Variants in SPATA7 observed in about 807,000 individuals in gnomAD.
The protein encoded by SPATA7 is spermatogenesis-associated protein 7.
In SPATA7, 43 loss-of-function variants were observed where a neutral mutation model predicts 51.8. The ratio of observed to expected loss-of-function variants is 0.83; its 90% CI spans 0.65 to 1.07. SPATA7 has a LOEUF of 1.07. Among genes scored for constraint, SPATA7 ranks in the 50% least tolerant of loss-of-function variants. The pLI, the probability that SPATA7 is intolerant of heterozygous loss-of-function variation, is 0.00. For missense variants in SPATA7, 683 were observed against 701.3 expected, an observed-to-expected ratio of 0.97 and a Z score of 0.30; for synonymous variants, 230 against 252.8, an observed-to-expected ratio of 0.91 and a Z score of 0.86.
chr14:88,427,944 G>A, intron 7 of SPATA7: 2 of 401,172 alleles, frequency 5.0e-6, no homozygotes, highest in Non-Finnish European at 9.2e-6. Context: ...TGATTGGTTG[G>A]CTGGCTGGAC....
intron 4 of SPATA7, among the ~76,000 whole-genome samples, chr14:88,410,210 A>T (rs879373626): frequency 5.9e-5 from 9 of 152,088 alleles, no homozygotes; most frequent in Non-Finnish European, 1.0e-4. Flanking sequence ...TCCCACTGTT[A>T]TTGTGTGGCA....
At chr14:88,445,398 G>T (rs1595309947) in intron 3 of SPATA7, among the ~76,000 whole-genome samples, 1 of 151,968 alleles carries the variant, frequency 6.6e-6, no homozygotes, top group South Asian at 2.1e-4. Context: ...GAGACAATGG[G>T]GTTTTCTAGA....
chr14:88,447,125 C>G (rs1192344358), intron 3 of SPATA7, among the ~76,000 whole-genome samples: 2 of 149,840 alleles, frequency 1.3e-5, no homozygotes, highest in Non-Finnish European at 1.5e-5. Flanking sequence ...GTCTAAGTCT[C>G]TTTGTAGGTC....
At chr14:88,421,095 A>G (rs986646363) in intron 5 of SPATA7, among the ~76,000 whole-genome samples, 3 of 152,254 alleles carry the variant, frequency 2.0e-5, no homozygotes, top group African/African-American at 7.2e-5. Context: ...GCCTGGTGAC[A>G]GAGCGAAACT....
At chr14:88,439,455 T>C (rs1299821223), downstream of SPATA7, among the ~76,000 whole-genome samples, 2 of 152,200 alleles carry the variant, frequency 1.3e-5, no homozygotes, top group African/African-American at 4.8e-5. Context: ...TATAATTGAA[T>C]ATTTGTGTGC....
downstream of SPATA7, among the ~76,000 whole-genome samples, chr14:88,441,583 A>G (rs996481716): frequency 1.3e-5 from 2 of 152,108 alleles, no homozygotes; most frequent in Non-Finnish European, 2.9e-5. Context: ...TTTGATTTGC[A>G]GTTCCTTGAT....
chr14:88,429,381 A>G lies in SPATA7; in HGVS notation c.946A>G (p.Lys316Glu). Residue 316 changes from lysine (K) to glutamate (E), a missense_variant, in exon 8 of 12, where the codon AAA becomes GAA. Coordinates refer to ENST00000393545, the MANE Select transcript of SPATA7 (RefSeq NM_018418.5). ...SNCVTYDAKE[K>E]IAPLPLEGHD... is the part of the protein sequence containing the mutation. ...TTGTGTGACATATGATGCCAAAGAA[A>G]AAATAGCTCCTTTACCTTTAGAAGG... 6.2e-7 allele frequency: 1 copy of G among 1,612,516 alleles called. No homozygotes were observed. Among genetic ancestry groups the G allele is most frequent in the South Asian group, 1.1e-5 (1 of 91,052 alleles).
Position 88,438,389 on chromosome 14 carries a change from A to C in SPATA7, c.1767A>C (p.Glu589Asp). The change falls in exon 12 of 12, where the codon GAA becomes GAC. Residue 589 changes from glutamate to aspartate, a missense_variant. Physicochemically the swap from Glu to Asp is conservative, Grantham distance 45. Coordinates refer to ENST00000393545, the MANE Select transcript of SPATA7 (RefSeq NM_018418.5). ...AGTTATCAACTCTTAAAATCATGGA[A>C]ATGAGCATTGAGGACTGCCCTTTGG... Reference protein sequence around the residue: ...DMELSTLKIMEMSIEDCPLDV With the variant: ...DMELSTLKIMDMSIEDCPLDV 6.2e-7 allele frequency: 1 copy of C among 1,614,004 alleles called. No homozygotes were observed. The highest frequency in any genetic ancestry group is 8.5e-7 in the Non-Finnish European group (1 of 1,179,958).
At chr14:88,442,172 C>CTGCT (rs2077182361), downstream of SPATA7, among the ~76,000 whole-genome samples, 2 of 149,352 alleles carry the variant, frequency 1.3e-5, no homozygotes, top group Non-Finnish European at 3.0e-5. Context: ...GTCTATATGC[C>CTGCT]TGTTTGTTTG....
In SPATA7 at chr14:88,431,197, C is replaced by G. The variant is rs1449510592; in HGVS notation, c.1054C>G (p.Pro352Ala). Residue 352 changes from proline (P) to alanine (A), a missense_variant, in exon 9 of 12, where the codon CCC becomes GCC. By Grantham distance (27) the Pro-to-Ala change is conservative. Transcript: ENST00000393545. ...GGCAATGTGTCAGTATTCCCTGAAG[C>G]CCCCTTCAACTCGTAAAATCTACTC... ...PRAMCQYSLK[P>A]PSTRKIYSDE... 1 of 1,613,508 alleles carries G rather than the reference C, an allele frequency of 6.2e-7. No individual in the cohort carries two copies. The highest frequency in any genetic ancestry group is 8.5e-7 in the Non-Finnish European group (1 of 1,179,702).
At chr14:88,418,735 A>C (rs968630812) in intron 5 of SPATA7, among the ~76,000 whole-genome samples, 1 of 152,082 alleles carries the variant, frequency 6.6e-6, no homozygotes, top group Non-Finnish European at 1.5e-5. Flanking sequence ...CAGCCTCCCA[A>C]AGTGCTGGGA....
chr14:88,415,215 A>G lies in SPATA7; in HGVS notation c.239-1496A>G, dbSNP rs576696643. The G allele has an allele frequency of 1.3e-3, 439 of 348,240 alleles. 3 individuals are homozygous for G. The highest frequency in any genetic ancestry group is 2.0e-3 in the Non-Finnish European group (333 of 165,916). The allele number at this position is 348,240 out of a possible 1,614,324, so 21.6% of individuals were successfully genotyped here. The stretch of plus-strand genomic sequence containing the variant: ...TAAATCTTTTCATAGGTCTAGAAGT[A>G]CTTGTATGAATCTGGGTGCTCCAGT... On this transcript the variant is annotated intron_variant, in intron 4 of 11. Coordinates refer to ENST00000393545, the MANE Select transcript of SPATA7 (RefSeq NM_018418.5).
chr14:88,392,087 G>T (rs1206730261), intron 2 of SPATA7, among the ~76,000 whole-genome samples: 1 of 151,900 alleles, frequency 6.6e-6, no homozygotes, highest in African/African-American at 2.4e-5. Flanking sequence ...ATTTTCAGTT[G>T]CCTCACTTAT....
intron 4 of SPATA7, among the ~76,000 whole-genome samples, chr14:88,465,192 C>T (rs1017838680): frequency 6.6e-6 from 1 of 152,196 alleles, no homozygotes; most frequent in African/African-American, 2.4e-5. Flanking sequence ...TCTGGCTGGA[C>T]ACAGTGGCTC....
At chr14:88,412,903 T>C (rs1286496056) in intron 4 of SPATA7, among the ~76,000 whole-genome samples, 1 of 152,212 alleles carries the variant, frequency 6.6e-6, no homozygotes, top group Admixed American at 6.5e-5. Context: ...GAGTATATCC[T>C]AGGTTTTCTT....
At chr14:88,443,471 GTATT>G (rs922437454) in intron 3 of SPATA7, among the ~76,000 whole-genome samples, 1 of 144,134 alleles carries the variant, frequency 6.9e-6, no homozygotes, top group African/African-American at 2.9e-5. Context: ...CTTATTTCTT[GTATT>G]TATTTATTTA....
chr14:88,455,501 T>C (rs1346292676), downstream of SPATA7, among the ~76,000 whole-genome samples: 1 of 152,202 alleles, frequency 6.6e-6, no homozygotes, highest in Non-Finnish European at 1.5e-5. Flanking sequence ...AACAGTTTTA[T>C]GGCAAAAATA....
chr14:88,466,221 T>TTTACAAAATTTACATTTTGTTC (rs2077360671), intron 4 of SPATA7: 1 of 152,206 alleles, frequency 6.6e-6, no homozygotes, highest in Admixed American at 6.5e-5. Context: ...GAATTTTGTA[T>TTTACAAAATTTACATTTTGTTC]TTACAAAATT....
chr14:88,386,635 A>G (rs549143850), intron 1 of SPATA7, among the ~76,000 whole-genome samples: 11 of 152,280 alleles, frequency 7.2e-5, no homozygotes, highest in Non-Finnish European at 1.2e-4. Flanking sequence ...TTAAATATCT[A>G]CAAATCGGCC....
Sources: allele counts gnomAD v4.1 joint callset (sites outside exome capture counted in the v4.1 genomes callset), GRCh38; gene constraint gnomAD v4.1.1; transcripts MANE v1.5; gene names NCBI Gene and HGNC (gene_info 2026-07-23, HGNC 2026-07-21).